Variants in TRIP11 observed in about 807,000 individuals in gnomAD.
The protein encoded by TRIP11 is thyroid receptor-interacting protein 11.
Under a neutral mutation model 223.1 loss-of-function variants are expected in TRIP11, and 148 were observed. The observed-to-expected ratio is 0.66, with a 90% confidence interval of 0.58 to 0.76. The LOEUF (loss-of-function observed/expected upper bound fraction) is 0.76. TRIP11 is among the 30% of genes least tolerant of loss of function. The probability of loss-of-function intolerance (pLI) is 0.00; values close to 1 mark genes in which losing one functional copy is unlikely to be tolerated. For synonymous variants in TRIP11, 762 were observed against 772.6 expected (o/e 0.99, Z 0.23); for missense variants, 2,043 against 2,222.0 (o/e 0.92, Z 1.62).
In TRIP11 at chr14:92,017,765, G is replaced by C. The variant is rs1595399177; in HGVS notation, c.589-15C>G. ...GCTTTGGAAGTCTAGATCAGAAAAAGAGAATTAGTAAATAATTATACTGAT... is the reference window on the plus strand; with the variant it reads ...GCTTTGGAAGTCTAGATCAGAAAAACAGAATTAGTAAATAATTATACTGAT... On this transcript the variant is annotated splice_polypyrimidine_tract_variant and intron_variant, in intron 4 of 20. Transcript: ENST00000267622. 6.2e-7 allele frequency: 1 copy of C among 1,604,176 alleles called. No homozygotes were observed. Among genetic ancestry groups the C allele is most frequent in the African/African-American group, 1.3e-5 (1 of 74,876 alleles).
At chr14:91,977,438 AG>A (rs1430052131) in intron 16 of TRIP11, among the ~76,000 whole-genome samples, 3 of 152,172 alleles carry the variant, frequency 2.0e-5, no homozygotes, top group African/African-American at 7.2e-5. Context: ...GGTGTGAGGT[AG>A]GGGTCCAACT....
intron 6 of TRIP11, among the ~76,000 whole-genome samples, chr14:92,015,248 T>G (rs56044982): frequency 0.013 from 1,999 of 152,290 alleles, 29 homozygotes; most frequent in African/African-American, 0.045. Flanking sequence ...TTCTGGCAGA[T>G]AAGCAGAACT....
chr14:91,968,542 T>C lies in TRIP11; in HGVS notation c.*1131A>G, dbSNP rs2056362661. ...AGTGATTTTGCTAATTATACTTACG[T>C]AGATGCAGCTGTATGGTTTAATGCT... On this transcript the variant is annotated 3_prime_UTR_variant, in exon 21 of 21. Transcript: ENST00000267622. 4.6e-6 allele frequency: 1 copy of C among 216,628 alleles called. No homozygotes were observed. The highest frequency in any genetic ancestry group is 9.3e-6 in the Non-Finnish European group (1 of 106,990). 13.4% of individuals were successfully genotyped at this position (216,628 alleles called of 1,614,324 possible).
At position 92,005,203 on chromosome 14, in the gene TRIP11, T is replaced by G. The variant is rs1273166760; in HGVS notation, c.2773A>C (p.Ser925Arg). ...HQKIIEDQNQ[S>R]KMQLLQSLQE... ...AAAGACTGAAGTAGTTGCATCTTAC[T>G]CTGGTTTTGATCTTCAATTATCTTT... Residue 925 changes from serine to arginine, a missense_variant, in exon 11 of 21, where the codon AGT (serine) becomes CGT (arginine). Coordinates refer to ENST00000267622, the MANE Select transcript of TRIP11 (RefSeq NM_004239.4). 1.9e-6 allele frequency: 3 copies of G among 1,614,190 alleles called. No homozygotes were observed. The highest frequency in any genetic ancestry group is 1.7e-6 in the Non-Finnish European group (2 of 1,180,046).
intron 15 of TRIP11, among the ~76,000 whole-genome samples, chr14:91,991,503 G>A (rs1198568114): frequency 6.6e-6 from 1 of 152,176 alleles, no homozygotes; most frequent in African/African-American, 2.4e-5. Context: ...GAAGTCATGT[G>A]CCTGCTAGTG....
chr14:92,025,233 A>C lies in TRIP11; in HGVS notation c.312+77T>G, dbSNP rs1281447303. Reference sequence around the variant, plus strand: ...TTTTTACAGATCTGAATATACCTCGATTTATATTCTAACTCTAAAAACATA... The same window carrying C: ...TTTTTACAGATCTGAATATACCTCGCTTTATATTCTAACTCTAAAAACATA... On this transcript the variant is annotated intron_variant, in intron 3 of 20. Coordinates refer to ENST00000267622, the MANE Select transcript of TRIP11 (RefSeq NM_004239.4). 22 of 1,144,346 alleles carry C rather than the reference A, an allele frequency of 1.9e-5. No homozygotes were observed. In the East Asian group the frequency reaches 5.3e-4, roughly 28 times the overall value. 70.9% of individuals were successfully genotyped at this position (1,144,346 alleles called of 1,614,324 possible). A position where few individuals can be genotyped will look rare whatever the true frequency, so the allele number is the denominator to read the frequency against.
rs1385789455 is a variant in TRIP11 at position 92,005,605 on chromosome 14, CT to C, written c.2370del (p.Glu791LysfsTer10). 1.9e-6 allele frequency: 3 copies of C among 1,613,702 alleles called. No homozygotes were observed. Among genetic ancestry groups the C allele is most frequent in the Non-Finnish European group, 2.5e-6 (3 of 1,179,994 alleles). On this transcript the variant is annotated frameshift_variant, in exon 11 of 21. Transcript: ENST00000267622. LOFTEE classifies it high-confidence loss of function. ...CTAGATGACAAAACGTCCTTAGTTT[CT>C]TTATGGTCAGTATCCATTTGTTCAA... ...KNIEQMDTDH[K>X]ETKDVLSSSL...
chr14:92,031,151 G>C (rs974112213), intron 2 of TRIP11, among the ~76,000 whole-genome samples: 1 of 151,888 alleles, frequency 6.6e-6, no homozygotes, highest in Admixed American at 6.6e-5. Flanking sequence ...ATTGGAGATG[G>C]AGTCTTGCTT....
chr14:92,011,915 A>G (rs767716561), intron 7 of TRIP11, 120 bp from the exon 8 acceptor site: 1 of 833,002 alleles, frequency 1.2e-6, no homozygotes, highest in Non-Finnish European at 2.0e-6. Flanking sequence ...GCAAGCAGTA[A>G]CAGTTCTGAG....
intron 6 of TRIP11, among the ~76,000 whole-genome samples, 187 bp from the exon 7 acceptor site, chr14:92,014,764 G>T (rs2057015239): frequency 1.3e-5 from 2 of 152,030 alleles, no homozygotes; most frequent in South Asian, 4.1e-4. Flanking sequence ...CTACATAAAG[G>T]CCTATGTATC....
At chr14:91,995,240 TG>T in intron 14 of TRIP11, 111 bp downstream of exon 14, 1 of 1,289,428 alleles carries the variant, frequency 7.8e-7, no homozygotes, top group Non-Finnish European at 1.1e-6. Flanking sequence ...CCTCTACCAG[TG>T]GGTAACCTTT....
Position 92,014,204 on chromosome 14 carries a change from A to G in TRIP11, c.1186+11T>C. The G allele has an allele frequency of 1.2e-6, 2 of 1,613,940 alleles. No homozygotes were observed. Among genetic ancestry groups the G allele is most frequent in the Non-Finnish European group, 1.7e-6 (2 of 1,179,972 alleles). Reference sequence around the variant, plus strand: ...AACAGCAATCTGAAATAAGTTCCAAAGACTGTATACCAGACAGTGCTTGTT... The same window carrying G: ...AACAGCAATCTGAAATAAGTTCCAAGGACTGTATACCAGACAGTGCTTGTT... On this transcript the variant is annotated intron_variant, in intron 7 of 20. Coordinates refer to ENST00000267622, the MANE Select transcript of TRIP11 (RefSeq NM_004239.4).
chr14:92,037,911 C>T lies in TRIP11; in HGVS notation c.139+1636G>A, dbSNP rs2057341271. On this transcript the variant is annotated intron_variant, in intron 1 of 20. Coordinates refer to ENST00000267622, the MANE Select transcript of TRIP11 (RefSeq NM_004239.4). This position sits in a 1 kb window ranked among gnomAD's most constrained non-coding sequence, Gnocchi z 4.2. ...TTTGGATTTTATTCTGTAACAGGGTCAAGAAATTTTTACGCAGGTTTGTTT... is the reference window on the plus strand; with the variant it reads ...TTTGGATTTTATTCTGTAACAGGGTTAAGAAATTTTTACGCAGGTTTGTTT... Among the ~76,000 whole-genome samples the T allele has an allele frequency of 6.6e-6, 1 of 151,994 alleles. No homozygotes were observed. The highest frequency in any genetic ancestry group is 1.5e-5 in the Non-Finnish European group (1 of 67,998).
chr14:92,016,841 A>G (rs1436271326), intron 5 of TRIP11, among the ~76,000 whole-genome samples: 1 of 152,214 alleles, frequency 6.6e-6, no homozygotes, highest in African/African-American at 2.4e-5. Flanking sequence ...TCCGGATTCT[A>G]TCCACTCTAG....
chr14:91,982,546 C>T (rs1347633679), intron 16 of TRIP11, among the ~76,000 whole-genome samples: 2 of 152,098 alleles, frequency 1.3e-5, no homozygotes, highest in Non-Finnish European at 2.9e-5. Context: ...CATTTGTACC[C>T]CAAACCTCAG....
At chr14:92,026,745 G>C (rs2057193109) in intron 2 of TRIP11, 1 of 1,077,202 alleles carries the variant, frequency 9.3e-7, no homozygotes, top group Non-Finnish European at 1.4e-6. Flanking sequence ...AGGAAGAGGA[G>C]GAGGAAGAAG....
chr14:91,998,497 ATAT>A (rs1200145263), intron 13 of TRIP11, among the ~76,000 whole-genome samples: 1 of 152,142 alleles, frequency 6.6e-6, no homozygotes, highest in Non-Finnish European at 1.5e-5. Context: ...ACTGACATTC[ATAT>A]TATTGATAGA....
chr14:92,027,297 GA>G (rs1274084596), intron 2 of TRIP11, among the ~76,000 whole-genome samples: 6 of 149,048 alleles, frequency 4.0e-5, no homozygotes, highest in African/African-American at 2.5e-5. Context: ...TCTCAAAGCA[GA>G]AAAAAAACCT....
chr14:91,968,865 G>A lies in TRIP11; in HGVS notation c.*808C>T. 4.3e-6 allele frequency: 1 copy of A among 233,544 alleles called. No individual in the cohort carries two copies. Among genetic ancestry groups the A allele is most frequent in the East Asian group, 6.1e-5 (1 of 16,474 alleles). The allele number at this position is 233,544 out of a possible 1,614,324, so 14.5% of individuals were successfully genotyped here. On this transcript the variant is annotated 3_prime_UTR_variant, in exon 21 of 21. Transcript: ENST00000267622. ...CAGGGATTAAGGAGAGGGCCAGGGA[G>A]AGAGGTGGCAATGATTATGAGAGGG...
Sources: allele counts gnomAD v4.1 joint callset (sites outside exome capture counted in the v4.1 genomes callset), GRCh38; gene constraint gnomAD v4.1.1; non-coding constraint Gnocchi (gnomAD v3.1); transcripts MANE v1.5; gene names NCBI Gene and HGNC (gene_info 2026-07-23, HGNC 2026-07-21).